The following GDI2 variants were observed in gnomAD, a reference collection of about 807,000 sequenced individuals.
GDI2 encodes GDP dissociation inhibitor 2.
GDI2 carries 22 observed loss-of-function variants against 54.2 expected under a neutral mutation model. The ratio of observed to expected loss-of-function variants is 0.41; its 90% confidence interval spans 0.29 to 0.58. GDI2 has a LOEUF of 0.58. GDI2 is among the 20% of genes least tolerant of loss of function. The probability of loss-of-function intolerance (pLI) is 0.35; values close to 1 mark genes in which losing one functional copy is unlikely to be tolerated. For missense variants in GDI2, 422 were observed against 546.0 expected (o/e 0.77, Z 2.26); for synonymous variants, 177 against 182.1 (o/e 0.97, Z 0.23).
chr10:5,807,139 A>G (rs1422522776), intron 1 of GDI2, among the ~76,000 whole-genome samples: 4 of 152,248 alleles, frequency 2.6e-5, no homozygotes, highest in Non-Finnish European at 5.9e-5. Flanking sequence ...CACACTGCTA[A>G]AAGAATATAT....
chr10:5,771,486 A>G (rs1233970747), intron 7 of GDI2, among the ~76,000 whole-genome samples: 1 of 152,212 alleles, frequency 6.6e-6, no homozygotes, highest in African/African-American at 2.4e-5. Context: ...GACCCAAGAC[A>G]ATTCTTCCTC....
chr10:5,810,390 A>C (rs184675511), intron 1 of GDI2, among the ~76,000 whole-genome samples: 4 of 152,374 alleles, frequency 2.6e-5, no homozygotes, highest in Admixed American at 1.3e-4. Context: ...TTTATTTCCA[A>C]GTCCATAGTG....
chr10:5,778,499 C>G (rs1034476186), intron 6 of GDI2, among the ~76,000 whole-genome samples: 2 of 152,220 alleles, frequency 1.3e-5, no homozygotes, highest in Non-Finnish European at 2.9e-5. Flanking sequence ...GTGTGCCACA[C>G]TTTGCACTAC....
At chr10:5,795,186 T>C (rs1025331552) in intron 3 of GDI2, among the ~76,000 whole-genome samples, 167 bp from the exon 4 acceptor site, 4 of 152,214 alleles carry the variant, frequency 2.6e-5, no homozygotes, top group Non-Finnish European at 5.9e-5. Flanking sequence ...TACAGTGCAG[T>C]GGCACAATCA....
intron 4 of GDI2, among the ~76,000 whole-genome samples, chr10:5,794,188 A>AATATATAT (rs1165735549): frequency 3.2e-4 from 13 of 40,336 alleles, no homozygotes; most frequent in Non-Finnish European, 3.8e-4. Flanking sequence ...AAAAAAAAAA[A>AATATATAT]ATATATATAT....
At chr10:5,773,521 G>A (rs904387868) in intron 7 of GDI2, among the ~76,000 whole-genome samples, 2 of 152,078 alleles carry the variant, frequency 1.3e-5, no homozygotes, top group African/African-American at 4.8e-5. Flanking sequence ...AACCCCACCC[G>A]TGTAGGTGGC....
At chr10:5,781,105 G>A (rs887180818) in intron 6 of GDI2, among the ~76,000 whole-genome samples, 16 of 151,242 alleles carry the variant, frequency 1.1e-4, no homozygotes, top group Non-Finnish European at 2.4e-4. Context: ...TCCCACAAAG[G>A]CACCACGACT....
intron 1 of GDI2, among the ~76,000 whole-genome samples, chr10:5,805,210 T>C (rs1198368965): frequency 6.6e-6 from 1 of 152,046 alleles, no homozygotes; most frequent in Non-Finnish European, 1.5e-5. Flanking sequence ...TGGCATCACC[T>C]GCCAACTTGT....
chr10:5,765,999 ACTG>A lies in GDI2; in HGVS notation c.*4_*6del. On this transcript the variant is annotated 3_prime_UTR_variant, in exon 11 of 11. Coordinates refer to ENST00000380191, the MANE Select transcript of GDI2 (RefSeq NM_001494.4). ...GTGTCCTAATTACATAATAACATGT[ACTG>A]CTGTTAGTCTTCCCCATAGATGTCA... The A allele has an allele frequency of 6.4e-7, 1 of 1,569,548 alleles. No homozygotes were observed. Among genetic ancestry groups the A allele is most frequent in the East Asian group, 2.2e-5 (1 of 44,624 alleles).
At chr10:5,791,607 C>CGTG (rs1484062633) in intron 4 of GDI2, among the ~76,000 whole-genome samples, 1 of 151,914 alleles carries the variant, frequency 6.6e-6, no homozygotes, top group Non-Finnish European at 1.5e-5. Flanking sequence ...ATTAGCCAGG[C>CGTG]GTGGTGGTGC....
chr10:5,775,987 C>T, intron 6 of GDI2: 1 of 175,494 alleles, frequency 5.7e-6, no homozygotes, highest in Non-Finnish European at 1.2e-5. Context: ...CATCGCGCTT[C>T]CCTGCAGTCC....
At chr10:5,780,820 G>T (rs549408295) in intron 6 of GDI2, among the ~76,000 whole-genome samples, 1 of 152,262 alleles carries the variant, frequency 6.6e-6, no homozygotes, top group African/African-American at 2.4e-5. Context: ...TAATTAAGAT[G>T]ATCATTTTCT....
At chr10:5,798,354 AAGGC>A (rs1841193386) in intron 2 of GDI2, among the ~76,000 whole-genome samples, 1 of 152,164 alleles carries the variant, frequency 6.6e-6, no homozygotes, top group East Asian at 1.9e-4. Context: ...TTGTGAGGCC[AAGGC>A]AGGCAGATCA....
rs1054318869 is a variant in GDI2, at chr10:5,785,225, G to A, written c.636C>T (p.Tyr212=). ...TGCCATATCTTGCCAAAGATTCACT[G>A]TAAAGTTTAATTCTATTAATGGTTT... ...CYETINRIKL[Y]SESLARYGKS... is the part of the protein sequence containing the mutation. The change falls in exon 6 of 11, where the codon TAC becomes TAT. Residue 212 remains tyrosine, a synonymous_variant. Coordinates refer to ENST00000380191, the MANE Select transcript of GDI2 (RefSeq NM_001494.4). 1.5e-5 allele frequency: 24 copies of A among 1,604,246 alleles called. No homozygotes were observed. The highest frequency in any genetic ancestry group is 2.0e-5 in the Non-Finnish European group (23 of 1,171,402).
chr10:5,786,165 ATTTT>A (rs35328258), intron 4 of GDI2, 115 bp from the exon 5 acceptor site: 301 of 385,188 alleles, frequency 7.8e-4, no homozygotes, highest in East Asian at 1.4e-3. Flanking sequence ...GCAGGATGCA[ATTTT>A]TTTTTTTTTT....
At position 5,765,967 on chromosome 10, in the gene GDI2, TTTAAA is replaced by T. The variant is rs1409455536; in HGVS notation, c.*34_*38del. ...TCATTATATGCATTATTTGCCAAATTTTAAATGTGTCCTAATTACATAATAACATG... is the reference window on the plus strand; with the variant it reads ...TCATTATATGCATTATTTGCCAAATTTGTGTCCTAATTACATAATAACATG... On this transcript the variant is annotated 3_prime_UTR_variant, in exon 11 of 11. Transcript: ENST00000380191. The T allele has an allele frequency of 2.7e-6, 4 of 1,506,008 alleles. No homozygotes were observed. In the East Asian group the frequency reaches 9.2e-5, roughly 35 times the overall value. 93.3% of individuals were successfully genotyped at this position (1,506,008 alleles called of 1,614,324 possible).
chr10:5,812,478 C>A (rs537846941), intron 1 of GDI2, among the ~76,000 whole-genome samples: 85 of 152,272 alleles, frequency 5.6e-4, no homozygotes, highest in Admixed American at 2.3e-3. Context: ...ACAAAGGAGG[C>A]AGAGAACCCA....
chr10:5,772,631 T>C (rs145837558), intron 7 of GDI2, among the ~76,000 whole-genome samples: 2,256 of 152,036 alleles, frequency 0.015, 21 homozygotes, highest in Middle Eastern at 0.041. Context: ...GTGGCATGCA[T>C]CTGTAATTCC....
chr10:5,799,650 T>A lies in GDI2; in HGVS notation c.153+948A>T, dbSNP rs549532165. Among the ~76,000 whole-genome samples the A allele has an allele frequency of 2.0e-5, 3 of 152,330 alleles. No individual in the cohort carries two copies. The East Asian group carries it at 5.8e-4, about 29-fold the overall frequency. ...CTGGGCGGCAGAGCAAGATTCTGTC[T>A]CCAGAAAAATAAATAAGAGAATAAA... On this transcript the variant is annotated intron_variant, in intron 2 of 10. Transcript: ENST00000380191.
Sources: gnomAD v4.1 joint callset for allele counts (sites outside exome capture counted in the v4.1 genomes callset) on GRCh38, gnomAD v4.1.1 for gene constraint, MANE v1.5 for transcripts, NCBI Gene and HGNC (gene_info 2026-07-23, HGNC 2026-07-21) for gene names.